The following STPG4 variants were observed in gnomAD, a reference collection of about 807,000 sequenced individuals.
STPG4 encodes sperm-tail PG-rich repeat containing 4.
STPG4 carries 41 observed loss-of-function variants against 31.5 expected under a neutral mutation model. The observed-to-expected ratio is 1.30, with a 90% CI of 1.01 to 1.69. STPG4 has a LOEUF of 1.69. Ranked by LOEUF, STPG4 falls within the 40% of genes most tolerant of loss-of-function variation. The pLI is 0.00. For missense variants in STPG4, 375 were observed against 293.4 expected (o/e 1.28, Z -2.03); for synonymous variants, 141 against 103.0 (o/e 1.37, Z -2.24).
chr2:47,116,051 G>A (rs1188657786), intron 5 of STPG4, among the ~76,000 whole-genome samples: 3 of 152,166 alleles, frequency 2.0e-5, no homozygotes, highest in East Asian at 3.9e-4. Flanking sequence ...TTTTTCCTAG[G>A]GTTCCCTAAG....
At chr2:47,119,898 G>A (rs1370428579) in intron 5 of STPG4, among the ~76,000 whole-genome samples, 1 of 152,180 alleles carries the variant, frequency 6.6e-6, no homozygotes, top group African/African-American at 2.4e-5. Flanking sequence ...AGGCAAAATT[G>A]TAAATTATAT....
rs919964999 is a variant in STPG4, at chr2:47,090,334, G to A, written c.560C>T (p.Pro187Leu). 15 of 1,551,888 alleles carry A rather than the reference G, an allele frequency of 9.7e-6. No individual in the cohort carries two copies. Among genetic ancestry groups the A allele is most frequent in the Non-Finnish European group, 1.3e-5 (15 of 1,147,010 alleles). ...PGPGHYNVKMPPTSSVTSCFQ... is the reference protein window; with the variant it reads ...PGPGHYNVKMLPTSSVTSCFQ... ...ACAAGAAGTGACAGAGCTTGTTGGA[G>A]GCATTTTCACATTATAATGACCTGG... The change falls in exon 6 of 7, where the codon CCT becomes CTT. Residue 187 changes from proline to leucine, a missense_variant. Coordinates refer to ENST00000445927, the MANE Select transcript of STPG4 (RefSeq NM_001163561.2).
At chr2:47,100,146 C>G (rs947506323) in intron 5 of STPG4, among the ~76,000 whole-genome samples, 10 of 152,132 alleles carry the variant, frequency 6.6e-5, no homozygotes, top group African/African-American at 2.4e-4. Flanking sequence ...GCAGGCAGCT[C>G]CACCTGCAGC....
intron 5 of STPG4, among the ~76,000 whole-genome samples, chr2:47,103,059 C>G (rs911687801): frequency 6.6e-6 from 1 of 152,000 alleles, no homozygotes; most frequent in East Asian, 1.9e-4. Context: ...AGAATGACAG[C>G]CGACGAAAGG....
chr2:47,102,226 G>A (rs1297053952), intron 5 of STPG4, among the ~76,000 whole-genome samples: 2 of 150,758 alleles, frequency 1.3e-5, no homozygotes, highest in Non-Finnish European at 2.9e-5. Flanking sequence ...GCAGGGTCCA[G>A]GGACCATTGC....
At chr2:47,132,969 C>G (rs1373406036) in intron 3 of STPG4, among the ~76,000 whole-genome samples, 1 of 152,100 alleles carries the variant, frequency 6.6e-6, no homozygotes, top group Non-Finnish European at 1.5e-5. Context: ...CTATATTTGT[C>G]CTACTATACT....
chr2:47,102,955 G>A (rs1339593251), intron 5 of STPG4, among the ~76,000 whole-genome samples: 1 of 151,900 alleles, frequency 6.6e-6, no homozygotes, highest in Admixed American at 6.6e-5. Context: ...TCATGCTACT[G>A]TTAGATCAAA....
At chr2:47,144,078 C>A (rs1007964239) in intron 3 of STPG4, among the ~76,000 whole-genome samples, 11 of 152,186 alleles carry the variant, frequency 7.2e-5, no homozygotes, top group Admixed American at 2.0e-4. Context: ...AAACTGACTT[C>A]AGGTTGTCCT....
At chr2:47,102,686 C>A (rs891190589) in intron 5 of STPG4, among the ~76,000 whole-genome samples, 4 of 151,794 alleles carry the variant, frequency 2.6e-5, no homozygotes, top group African/African-American at 4.9e-5. Flanking sequence ...CTAATCTCCC[C>A]TGCCCAGAAG....
At chr2:47,151,199 T>C in intron 3 of STPG4, 59 bp downstream of exon 3, 1 of 1,585,292 alleles carries the variant, frequency 6.3e-7, no homozygotes, top group Non-Finnish European at 8.6e-7. Context: ...ATAAAAATAC[T>C]TTCCTCAGGG....
At chr2:47,098,972 T>C (rs1337896782) in intron 5 of STPG4, among the ~76,000 whole-genome samples, 1 of 152,112 alleles carries the variant, frequency 6.6e-6, no homozygotes, top group African/African-American at 2.4e-5. Context: ...GCAAACCTGT[T>C]AGGGGCCAAA....
At chr2:47,103,710 G>A (rs2103743522) in intron 5 of STPG4, among the ~76,000 whole-genome samples, 1 of 152,090 alleles carries the variant, frequency 6.6e-6, no homozygotes, top group East Asian at 1.9e-4. Flanking sequence ...AAGGTGCACT[G>A]CCCAGAGGAT....
At chr2:47,117,045 G>A (rs935346041) in intron 5 of STPG4, among the ~76,000 whole-genome samples, 42 of 152,166 alleles carry the variant, frequency 2.8e-4, no homozygotes, top group African/African-American at 9.4e-4. Context: ...TGTAGGCTCC[G>A]AGAAATGGGT....
Position 47,155,112 on chromosome 2 carries a change from G to C in STPG4, c.81+59C>G, listed in dbSNP as rs552939136. 18 of 1,516,838 alleles carry C rather than the reference G, an allele frequency of 1.2e-5. No individual in the cohort carries two copies. The African/African-American group carries it at 2.3e-4, about 20-fold the overall frequency. The allele number at this position is 1,516,838 out of a possible 1,614,324, so 94.0% of individuals were successfully genotyped here. A position where few individuals can be genotyped will look rare whatever the true frequency, so the allele number is the denominator to read the frequency against. ...CTGGGATTAGAGAGCGGTGGGAAAA[G>C]GGTAGTGGGCCTGGTGAGGGGAGCA... On this transcript the variant is annotated intron_variant, in intron 1 of 6. Coordinates refer to ENST00000445927, the MANE Select transcript of STPG4 (RefSeq NM_001163561.2).
rs1366522349 is a variant in STPG4 at position 47,090,379 on chromosome 2, T to C, written c.520-5A>G. 10 of 1,536,786 alleles carry C rather than the reference T, an allele frequency of 6.5e-6. No homozygotes were observed. The South Asian group carries it at 1.1e-4, about 17-fold the overall frequency. On this transcript the variant is annotated splice_polypyrimidine_tract_variant and splice_region_variant and intron_variant, in intron 5 of 6. Coordinates refer to ENST00000445927, the MANE Select transcript of STPG4 (RefSeq NM_001163561.2). ...ACCTGGACCAGGGCCTTCATGCTAT[T>C]GAACATTTAAAAAATTGCTTCATTA...
rs139021832 is a variant in STPG4, at chr2:47,130,243, C to T, written c.417G>A (p.Pro139=). The T allele has an allele frequency of 2.8e-5, 45 of 1,613,900 alleles. No homozygotes were observed. In the African/African-American group the frequency reaches 3.2e-4, roughly 11 times the overall value. Reference sequence around the variant, plus strand: ...GTGCAGGAAGCACGTTGTATTGCCCCGGAGAAAGCTGAAGTGACTGCACAG... The same window carrying T: ...GTGCAGGAAGCACGTTGTATTGCCCTGGAGAAAGCTGAAGTGACTGCACAG... ...VDKDQSLQLS[P]GQYNVLPAPV... is the part of the protein sequence containing the mutation. Residue 139 remains proline (P), a synonymous_variant, in exon 4 of 7, where the codon CCG becomes CCA. Transcript: ENST00000445927.
intron 5 of STPG4, among the ~76,000 whole-genome samples, chr2:47,117,362 A>ATGC (rs1686173830): frequency 6.6e-6 from 1 of 152,082 alleles, no homozygotes; most frequent in Non-Finnish European, 1.5e-5. Flanking sequence ...GGCATGCACC[A>ATGC]CCACACCTGG....
chr2:47,104,753 G>T (rs1166174977), intron 5 of STPG4, among the ~76,000 whole-genome samples: 1 of 151,970 alleles, frequency 6.6e-6, no homozygotes, highest in African/African-American at 2.4e-5. Flanking sequence ...GAAGCCTCAT[G>T]CCAGCAGGCT....
intron 3 of STPG4, among the ~76,000 whole-genome samples, chr2:47,139,389 T>G (rs1573192204): frequency 6.9e-6 from 1 of 144,154 alleles, no homozygotes; most frequent in South Asian, 2.3e-4. Context: ...TTGAAACTAA[T>G]ATAGCTTCTC....
Sources: gnomAD v4.1 joint callset for allele counts (sites outside exome capture counted in the v4.1 genomes callset) on GRCh38, gnomAD v4.1.1 for gene constraint, MANE v1.5 for transcripts, NCBI Gene and HGNC (gene_info 2026-07-23, HGNC 2026-07-21) for gene names.